Variants in LIMCH1 observed in about 807,000 individuals in gnomAD.
LIMCH1 encodes the protein LIM and calponin homology domains-containing protein 1.
In LIMCH1, 113 loss-of-function variants were observed where a neutral mutation model predicts 176.5. The ratio of observed to expected loss-of-function variants is 0.64; its 90% confidence interval spans 0.55 to 0.75. The LOEUF (loss-of-function observed/expected upper bound fraction) is 0.75. LIMCH1 is among the 30% of genes least tolerant of loss of function. The pLI, the probability that LIMCH1 is intolerant of heterozygous loss-of-function variation, is 0.00. For missense variants in LIMCH1, 1,674 were observed against 1,814.9 expected (o/e 0.92, Z 1.41); for synonymous variants, 619 against 645.9 (o/e 0.96, Z 0.63).
chr4:41,444,537 G>A (rs1310304513), intron 1 of LIMCH1, among the ~76,000 whole-genome samples: 2 of 152,116 alleles, frequency 1.3e-5, no homozygotes, highest in African/African-American at 4.8e-5. Context: ...CTCTTCATTG[G>A]CCAACACAAT....
At chr4:41,448,763 G>A (rs1213712370) in intron 1 of LIMCH1, among the ~76,000 whole-genome samples, 5 of 151,974 alleles carry the variant, frequency 3.3e-5, no homozygotes, top group East Asian at 1.9e-4. Flanking sequence ...AGGCTGTAGC[G>A]TCAGCGGACA....
At chr4:41,635,000 A>G (rs958566315) in intron 13 of LIMCH1, among the ~76,000 whole-genome samples, 1 of 152,188 alleles carries the variant, frequency 6.6e-6, no homozygotes, top group African/African-American at 2.4e-5. Flanking sequence ...GAGACTGCCT[A>G]CTGGATACAT....
chr4:41,474,900 A>G (rs1020431414), intron 1 of LIMCH1, among the ~76,000 whole-genome samples: 3 of 152,224 alleles, frequency 2.0e-5, no homozygotes, highest in East Asian at 1.9e-4. Context: ...ACTATTCACC[A>G]TAGCCAAGAT....
At chr4:41,605,270 A>G (rs1021196212) in intron 3 of LIMCH1, among the ~76,000 whole-genome samples, 1 of 152,174 alleles carries the variant, frequency 6.6e-6, no homozygotes, top group Non-Finnish European at 1.5e-5. Context: ...AAAATTTCCC[A>G]TCTCAGATTA....
At chr4:41,483,474 G>A (rs989391576) in intron 1 of LIMCH1, among the ~76,000 whole-genome samples, 19 of 152,254 alleles carry the variant, frequency 1.2e-4, no homozygotes, top group African/African-American at 4.1e-4. Context: ...TAGGAAATTG[G>A]TGGGAAATAG....
intron 5 of LIMCH1, among the ~76,000 whole-genome samples, chr4:41,615,730 A>G (rs2091986518): frequency 6.6e-6 from 1 of 152,202 alleles, no homozygotes; most frequent in Non-Finnish European, 1.5e-5. Flanking sequence ...TCCAAATTTG[A>G]AAAAACTTGT....
At chr4:41,422,104 A>AAACAAACAAC (rs1376098859) in intron 1 of LIMCH1, among the ~76,000 whole-genome samples, 1 of 151,968 alleles carries the variant, frequency 6.6e-6, no homozygotes, top group African/African-American at 2.4e-5. Context: ...AGAAACAAAT[A>AAACAAACAAC]AACAAACAAC....
At chr4:41,670,694 G>T (rs1585661084) in intron 21 of LIMCH1, 1 of 1,509,522 alleles carries the variant, frequency 6.6e-7, no homozygotes, top group East Asian at 2.5e-5. Context: ...TTTTCTGTTT[G>T]TTCTGTTCTG....
At chr4:41,528,034 T>A (rs1366064453) in intron 3 of LIMCH1, among the ~76,000 whole-genome samples, 1 of 152,172 alleles carries the variant, frequency 6.6e-6, no homozygotes, top group African/African-American at 2.4e-5. Context: ...AGTGTTGGAT[T>A]TCCTGTATGC....
chr4:41,370,735 T>C (rs1298355489), intron 1 of LIMCH1, among the ~76,000 whole-genome samples: 1 of 152,152 alleles, frequency 6.6e-6, no homozygotes, highest in Non-Finnish European at 1.5e-5. Context: ...GCAAACACAC[T>C]TCTGGAACAC....
chr4:41,612,813 C>A, intron 4 of LIMCH1: 3 of 1,066,028 alleles, frequency 2.8e-6, no homozygotes, highest in Non-Finnish European at 3.9e-6. Context: ...TCTTCTGAGG[C>A]ATCAGGAAAA....
intron 21 of LIMCH1, 56 bp from the exon 22 acceptor site, chr4:41,671,498 C>T: frequency 6.9e-7 from 1 of 1,449,200 alleles, no homozygotes; most frequent in East Asian, 2.3e-5. Flanking sequence ...AAAACAAAGA[C>T]AATTAGAAAA....
At chr4:41,379,356 A>G (rs1258167937) in intron 1 of LIMCH1, among the ~76,000 whole-genome samples, 1 of 152,160 alleles carries the variant, frequency 6.6e-6, no homozygotes, top group Admixed American at 6.5e-5. Flanking sequence ...GTGTCCTTAT[A>G]ACATGGCAGC....
At chr4:41,611,760 A>T (rs995608054) in intron 4 of LIMCH1, among the ~76,000 whole-genome samples, 2 of 152,252 alleles carry the variant, frequency 1.3e-5, no homozygotes, top group Non-Finnish European at 2.9e-5. Context: ...ATAAGTGTTC[A>T]ATAAAAGTGA....
chr4:41,556,403 A>AAG (rs2081279009), intron 1 of LIMCH1, among the ~76,000 whole-genome samples: 1 of 151,588 alleles, frequency 6.6e-6, no homozygotes, highest in Admixed American at 6.6e-5. Flanking sequence ...CTCAAAAAAA[A>AAG]AAAAAAAAAA....
intron 24 of LIMCH1, among the ~76,000 whole-genome samples, chr4:41,680,719 TCTAA>T (rs1308479007): frequency 6.6e-6 from 1 of 152,238 alleles, no homozygotes; most frequent in African/African-American, 2.4e-5. Flanking sequence ...CTTGTATTAC[TCTAA>T]CTAATTAATT....
chr4:41,389,647 A>G (rs2056973297), intron 1 of LIMCH1: 1 of 152,256 alleles, frequency 6.6e-6, no homozygotes, highest in South Asian at 2.1e-4. Flanking sequence ...CAACCAACCA[A>G]ACAAACAAAA....
intron 4 of LIMCH1, among the ~76,000 whole-genome samples, chr4:41,608,066 ACATGAG>A (rs2152778063): frequency 6.6e-6 from 1 of 152,354 alleles, no homozygotes; most frequent in East Asian, 1.9e-4. Context: ...TGAGACGTGG[ACATGAG>A]CAGTCCAGGG....
intron 1 of LIMCH1, among the ~76,000 whole-genome samples, chr4:41,557,201 G>A (rs769267831): frequency 2.0e-5 from 3 of 152,108 alleles, no homozygotes; most frequent in Non-Finnish European, 4.4e-5. Context: ...TCTTTCCATA[G>A]CATCAATACC....
Sources: gnomAD v4.1 joint callset for allele counts (sites outside exome capture counted in the v4.1 genomes callset) on GRCh38, gnomAD v4.1.1 for gene constraint, MANE v1.5 for transcripts, NCBI Gene and HGNC (gene_info 2026-07-23, HGNC 2026-07-21) for gene names.